Variants in STIMATE observed in about 807,000 individuals in gnomAD.
The protein encoded by STIMATE is store-operated calcium entry regulator STIMATE.
In STIMATE, 15 loss-of-function variants were observed where a neutral mutation model predicts 36.7. The observed-to-expected ratio is 0.41, with a 90% CI of 0.27 to 0.63. The LOEUF (loss-of-function observed/expected upper bound fraction) is 0.63. Among genes scored for constraint, STIMATE ranks in the 20% least tolerant of loss-of-function variants. The pLI, the probability that STIMATE is intolerant of heterozygous loss-of-function variation, is 0.32. For synonymous variants in STIMATE, 163 were observed against 162.3 expected (o/e 1.00, Z -0.03); for missense variants, 305 against 397.3 (o/e 0.77, Z 1.98).
intron 1 of STIMATE, among the ~76,000 whole-genome samples, chr3:52,889,916 G>T (rs1252500776): frequency 2.0e-5 from 3 of 152,138 alleles, no homozygotes; most frequent in African/African-American, 4.8e-5. Context: ...GCCTGAAATG[G>T]AATAAGGAAG....
intron 1 of STIMATE, among the ~76,000 whole-genome samples, chr3:52,859,782 A>T (rs1055653984): frequency 6.6e-6 from 1 of 152,080 alleles, no homozygotes; most frequent in Non-Finnish European, 1.5e-5. Flanking sequence ...TTACGAAAGA[A>T]AAGACAAACC....
chr3:52,852,624 G>T lies in STIMATE; in HGVS notation c.284C>A (p.Thr95Asn). 1 of 1,614,198 alleles carries T rather than the reference G, an allele frequency of 6.2e-7. No individual in the cohort carries two copies. Among genetic ancestry groups the T allele is most frequent in the Non-Finnish European group, 8.5e-7 (1 of 1,180,026 alleles). ...TTACAGTGAACAAGGGTCCTCTTCA[G>T]TGAGATCTGCTAGGTATACATTTGC... ...HFANVYLADL[T>N]EEDPCSLYLI... The change falls in exon 3 of 8, where the codon ACT becomes AAT. Residue 95 changes from threonine to asparagine, a missense_variant. Thr to Asn is a moderately conservative substitution (Grantham distance 65). Transcript: ENST00000355083.
At chr3:52,893,844 C>T (rs1016552297) in intron 1 of STIMATE, among the ~76,000 whole-genome samples, 12 of 152,206 alleles carry the variant, frequency 7.9e-5, no homozygotes, top group Admixed American at 1.3e-4. Context: ...CAGCCCAGAA[C>T]CCTGACTGTG....
At chr3:52,881,684 A>T (rs1471397176) in intron 1 of STIMATE, among the ~76,000 whole-genome samples, 2 of 152,198 alleles carry the variant, frequency 1.3e-5, no homozygotes, top group African/African-American at 4.8e-5. Flanking sequence ...CCCGGGCGAC[A>T]GAGTGAGACT....
Position 52,840,346 on chromosome 3 carries a change from C to A in STIMATE, c.*148G>T. 2.1e-6 allele frequency: 2 copies of A among 931,250 alleles called. No homozygotes were observed. The highest frequency in any genetic ancestry group is 3.2e-6 in the Non-Finnish European group (2 of 630,556). 57.7% of individuals were successfully genotyped at this position (931,250 alleles called of 1,614,324 possible). On this transcript the variant is annotated 3_prime_UTR_variant, in exon 8 of 8. Transcript: ENST00000355083. ...TTCCCTCTTTTTAAGTCACAGTAGTCTGGGGGCAGGCGAGAGCGGGCAGAG... is the reference window on the plus strand; with the variant it reads ...TTCCCTCTTTTTAAGTCACAGTAGTATGGGGGCAGGCGAGAGCGGGCAGAG...
At chr3:52,860,110 A>G in intron 1 of STIMATE, among the ~76,000 whole-genome samples, 1 of 109,446 alleles carries the variant, frequency 9.1e-6, no homozygotes, top group Non-Finnish European at 2.0e-5. Context: ...CTCCCAGTCA[A>G]ATTTGGTAAA....
intron 3 of STIMATE, among the ~76,000 whole-genome samples, chr3:52,852,362 T>C (rs74516584): frequency 0.022 from 3,359 of 152,300 alleles, 54 homozygotes; most frequent in Non-Finnish European, 0.035. Context: ...CTTGGATTGA[T>C]GAACAGAAAG....
At chr3:52,863,960 G>A (rs1451332116) in intron 1 of STIMATE, among the ~76,000 whole-genome samples, 7 of 152,244 alleles carry the variant, frequency 4.6e-5, no homozygotes, top group Non-Finnish European at 8.8e-5. Context: ...GCAGGGTACA[G>A]CCTCCCTCCC....
In STIMATE at chr3:52,838,014, A is replaced by C. The variant is rs1388396782; in HGVS notation, c.*2480T>G. 6.6e-6 allele frequency: 1 copy of C among 151,670 alleles called. No homozygotes were observed. 9.4% of individuals were successfully genotyped at this position (151,670 alleles called of 1,614,324 possible). A position where few individuals can be genotyped will look rare whatever the true frequency, so the allele number is the denominator to read the frequency against. On this transcript the variant is annotated 3_prime_UTR_variant, in exon 8 of 8. Transcript: ENST00000355083. ...TGTGCACGTGCACGTGCACACACACACACAAACACACAAGAAAGGGAAGGC... is the reference window on the plus strand; with the variant it reads ...TGTGCACGTGCACGTGCACACACACCCACAAACACACAAGAAAGGGAAGGC...
intron 1 of STIMATE, among the ~76,000 whole-genome samples, chr3:52,894,496 G>C (rs547023409): frequency 6.6e-6 from 1 of 152,240 alleles, no homozygotes; most frequent in South Asian, 2.1e-4. Context: ...ATCCTCCCCA[G>C]AGACATTAAT....
At chr3:52,890,212 C>T (rs1282573676) in intron 1 of STIMATE, among the ~76,000 whole-genome samples, 1 of 152,222 alleles carries the variant, frequency 6.6e-6, no homozygotes, top group East Asian at 1.9e-4. Context: ...AGCTGTGAGC[C>T]CCTCAAGGAC....
intron 1 of STIMATE, among the ~76,000 whole-genome samples, chr3:52,882,164 G>C (rs1701616137): frequency 6.6e-6 from 1 of 152,146 alleles, no homozygotes. Context: ...GGGGTCCTTA[G>C]CTCCTCACCA....
intron 2 of STIMATE, 67 bp downstream of exon 2, chr3:52,855,328 AC>A: frequency 2.7e-6 from 3 of 1,121,072 alleles, no homozygotes; most frequent in Non-Finnish European, 2.5e-6. Flanking sequence ...ACCATACCCC[AC>A]CCCCAGCCCC....
chr3:52,847,411 G>A (rs1466467686), intron 4 of STIMATE: 19 of 1,281,210 alleles, frequency 1.5e-5, no homozygotes, highest in Non-Finnish European at 1.7e-5. Context: ...CCAGATGTCA[G>A]GGCTTCCACA....
intron 1 of STIMATE, among the ~76,000 whole-genome samples, chr3:52,870,691 A>G (rs1701387544): frequency 6.6e-6 from 1 of 152,116 alleles, no homozygotes. Context: ...GGTGCTCCTC[A>G]GGCTGGTCAA....
At chr3:52,847,241 A>G (rs1277685243) in intron 4 of STIMATE, 3 of 1,155,048 alleles carry the variant, frequency 2.6e-6, no homozygotes, top group African/African-American at 3.3e-5. Flanking sequence ...ACTGCAATGA[A>G]CAACCTCAGG....
At chr3:52,888,562 T>G (rs1014717050) in intron 1 of STIMATE, among the ~76,000 whole-genome samples, 1 of 152,232 alleles carries the variant, frequency 6.6e-6, no homozygotes. Flanking sequence ...CAGTGTCTTA[T>G]GCTCACGTCA....
At chr3:52,847,610 G>C in intron 4 of STIMATE, 1 of 1,109,198 alleles carries the variant, frequency 9.0e-7, no homozygotes, top group Non-Finnish European at 1.1e-6. Context: ...TACATGAGAA[G>C]AGAGCTGTGG....
intron 7 of STIMATE, among the ~76,000 whole-genome samples, chr3:52,841,468 C>T (rs992287836): frequency 2.6e-5 from 4 of 152,188 alleles, no homozygotes; most frequent in Admixed American, 6.5e-5. Context: ...CACACTCATC[C>T]GCTGCCCGCC....
Sources: gnomAD v4.1 joint callset for allele counts (sites outside exome capture counted in the v4.1 genomes callset) on GRCh38, gnomAD v4.1.1 for gene constraint, MANE v1.5 for transcripts, NCBI Gene and HGNC (gene_info 2026-07-23, HGNC 2026-07-21) for gene names.